IRX2: variants seen among roughly 807,000 people sequenced by gnomAD.
IRX2 encodes iroquois-class homeodomain protein IRX-2.
Under a neutral mutation model 42.9 loss-of-function variants are expected in IRX2, and 26 were observed. That is an observed-to-expected ratio of 0.61 (90% CI 0.44 to 0.84). The LOEUF (loss-of-function observed/expected upper bound fraction) is 0.84. Among genes scored for constraint, IRX2 ranks in the 40% least tolerant of loss-of-function variants. IRX2 has a pLI of 0.00. For missense variants in IRX2, 782 were observed against 713.9 expected, an observed-to-expected ratio of 1.10 and a Z score of -1.09; for synonymous variants, 424 against 353.9, an observed-to-expected ratio of 1.20 and a Z score of -2.22.
chr5:2,740,952 C>T (rs1435988533), downstream of IRX2, among the ~76,000 whole-genome samples: 1 of 152,242 alleles, frequency 6.6e-6, no homozygotes, highest in Non-Finnish European at 1.5e-5. Context: ...AGGATGCTGC[C>T]TTGACCCCAC....
At chr5:2,749,078 G>C (rs1389309488) in intron 2 of IRX2, 26 bp from the exon 3 acceptor site, 5 of 1,590,948 alleles carry the variant, frequency 3.1e-6, no homozygotes, top group Non-Finnish European at 4.2e-6. Context: ...CACGGTGGGT[G>C]GCACGAGGGG....
chr5:2,741,534 T>C (rs745586399), downstream of IRX2, among the ~76,000 whole-genome samples: 2 of 152,324 alleles, frequency 1.3e-5, no homozygotes, highest in Middle Eastern at 3.4e-3. Context: ...TCTTTGAATT[T>C]ATTACTCAAG....
At chr5:2,744,948 TC>T (rs776438867), downstream of IRX2, among the ~76,000 whole-genome samples, 101 of 152,322 alleles carry the variant, frequency 6.6e-4, no homozygotes, top group Non-Finnish European at 1.1e-3. Context: ...AAGATTACTT[TC>T]AAATACCCTT....
the IRX2 span, among the ~76,000 whole-genome samples, chr5:2,739,301 C>T: frequency 6.7e-6 from 1 of 149,370 alleles, no homozygotes; most frequent in East Asian, 2.0e-4. Context: ...CCGCGTACGT[C>T]GTTCTCAGTG....
chr5:2,748,464 G>A lies in IRX2; in HGVS notation c.1244C>T (p.Ala415Val). Residue 415 changes from alanine to valine, a missense_variant, in exon 3 of 4, where the codon GCG becomes GTG. Around this residue, in one of 3 missense-constraint regions of IRX2, gnomAD observed 520 missense variants for 437.8 expected, o/e 1.19. Transcript: ENST00000302057. ...GGTGTGCAGGGCCTCGCCGGGGGCC[G>A]CGGCCGCAGAGTTGTACCGCAGGAG... ...QGLLRYNSAA[A>V]APGEALHTAP... 2 of 1,571,394 alleles carry A rather than the reference G, an allele frequency of 1.3e-6. No homozygotes were observed. The highest frequency in any genetic ancestry group is 1.7e-6 in the Non-Finnish European group (2 of 1,162,316).
downstream of IRX2, among the ~76,000 whole-genome samples, chr5:2,744,637 G>A (rs1737617827): frequency 6.6e-6 from 1 of 152,146 alleles, no homozygotes; most frequent in African/African-American, 2.4e-5. Flanking sequence ...CTGCCAGAGT[G>A]GCAAAGCTTA....
chr5:2,738,565 G>T, the IRX2 span, among the ~76,000 whole-genome samples: 1 of 152,062 alleles, frequency 6.6e-6, no homozygotes, highest in Non-Finnish European at 1.5e-5. Context: ...GGCTCAGTGG[G>T]CTGTTCCCAG....
chr5:2,743,256 A>T (rs1026363093), downstream of IRX2, among the ~76,000 whole-genome samples: 1 of 151,732 alleles, frequency 6.6e-6, no homozygotes, highest in African/African-American at 2.4e-5. Flanking sequence ...CGCATCAGAC[A>T]AAGGTGGATG....
In IRX2 at chr5:2,751,417, G is replaced by T; in HGVS notation, c.-4C>A. 7.7e-7 allele frequency: 1 copy of T among 1,297,528 alleles called. No homozygotes were observed. The highest frequency in any genetic ancestry group is 9.8e-7 in the Non-Finnish European group (1 of 1,022,526). The allele number at this position is 1,297,528 out of a possible 1,614,324, so 80.4% of individuals were successfully genotyped here. A position where few individuals can be genotyped will look rare whatever the true frequency, so the allele number is the denominator to read the frequency against. On this transcript the variant is annotated 5_prime_UTR_variant, in exon 1 of 4. Transcript: ENST00000302057. The surrounding 1 kb of genome is among the most constrained non-coding windows in gnomAD (Gnocchi z 4.0). ...GGTAGCCCTGCGGGTAGGACATGGTGGGCGCGGGGCGCGGGGCCCGCGTCA... is the reference window on the plus strand; with the variant it reads ...GGTAGCCCTGCGGGTAGGACATGGTTGGCGCGGGGCGCGGGGCCCGCGTCA...
At chr5:2,737,546 C>A in the IRX2 span, among the ~76,000 whole-genome samples, 2 of 152,184 alleles carry the variant, frequency 1.3e-5, no homozygotes, top group African/African-American at 4.8e-5. Context: ...CTCAGATGAG[C>A]CCCACTAGCA....
In IRX2 at chr5:2,748,444, G is replaced by C; in HGVS notation, c.1264C>G (p.His422Asp). 6.4e-7 allele frequency: 1 copy of C among 1,563,852 alleles called. No homozygotes were observed. Among genetic ancestry groups the C allele is most frequent in the Non-Finnish European group, 8.6e-7 (1 of 1,159,754 alleles). Residue 422 changes from histidine (H) to aspartate (D), a missense_variant, in exon 3 of 4, where the codon CAC (histidine) becomes GAC (aspartate). By Grantham distance (81) the His-to-Asp change is moderately conservative. Around this residue, in one of 3 missense-constraint regions of IRX2, gnomAD observed 520 missense variants for 437.8 expected, o/e 1.19. Transcript: ENST00000302057. ...SAAAAPGEAL[H>D]TAPKAASDAG... Reference sequence around the variant, plus strand: ...TCGCTGGCCGCCTTTGGCGCGGTGTGCAGGGCCTCGCCGGGGGCCGCGGCC... The same window carrying C: ...TCGCTGGCCGCCTTTGGCGCGGTGTCCAGGGCCTCGCCGGGGGCCGCGGCC...
chr5:2,740,825 A>G, the IRX2 span, among the ~76,000 whole-genome samples: 1 of 152,160 alleles, frequency 6.6e-6, no homozygotes, highest in East Asian at 1.9e-4. Flanking sequence ...TGGGAAGGCG[A>G]CAGCGGCGAC....
At chr5:2,749,337 G>C (rs750128053) in intron 2 of IRX2, 45 bp downstream of exon 2, 2 of 1,544,986 alleles carry the variant, frequency 1.3e-6, no homozygotes, top group Admixed American at 4.1e-5. Context: ...GCCCCGCCTG[G>C]GAAGAAAGCG....
At chr5:2,741,121 C>G (rs1184552411), downstream of IRX2, among the ~76,000 whole-genome samples, 1 of 152,266 alleles carries the variant, frequency 6.6e-6, no homozygotes, top group Admixed American at 6.5e-5. Flanking sequence ...GACCGCAACG[C>G]CGCTATTAGT....
rs969982413 is a variant in IRX2 at position 2,748,742 on chromosome 5, G to C, written c.966C>G (p.Pro322=). ...QGSRTSPGAP[P]PASKPKLWSL... ...ACCACAGCTTGGGCTTGCTGGCGGG[G>C]GGCGGCGCGCCCGGAGACGTCCGGC... Residue 322 remains proline, a synonymous_variant, in exon 3 of 4, where the codon CCC becomes CCG. Coordinates refer to ENST00000302057, the MANE Select transcript of IRX2 (RefSeq NM_033267.5). The C allele has an allele frequency of 8.8e-6, 12 of 1,365,758 alleles. No individual in the cohort carries two copies. In the East Asian group the frequency reaches 1.3e-4, roughly 15 times the overall value. The allele number at this position is 1,365,758 out of a possible 1,614,324, so 84.6% of individuals were successfully genotyped here.
downstream of IRX2, among the ~76,000 whole-genome samples, chr5:2,741,977 T>C (rs1737555030): frequency 6.6e-6 from 1 of 152,254 alleles, no homozygotes; most frequent in Non-Finnish European, 1.5e-5. Context: ...CTTCATTGTA[T>C]TAGCAATACA....
At chr5:2,738,244 A>T in the IRX2 span, among the ~76,000 whole-genome samples, 1 of 151,900 alleles carries the variant, frequency 6.6e-6, no homozygotes, top group South Asian at 2.1e-4. Context: ...CTGGGCTTGG[A>T]CTCAGCCCCC....
intron 3 of IRX2, 57 bp from the exon 4 acceptor site, chr5:2,747,673 G>C: frequency 6.4e-7 from 1 of 1,556,442 alleles, no homozygotes; most frequent in South Asian, 1.1e-5. Context: ...TGGCTGCGCA[G>C]ACCACCGTGC....
chr5:2,738,459 C>A, the IRX2 span, among the ~76,000 whole-genome samples: 3 of 152,202 alleles, frequency 2.0e-5, no homozygotes, highest in Admixed American at 1.3e-4. Flanking sequence ...AATAAACTAA[C>A]GTCATCCTGG....
Sources: allele counts gnomAD v4.1 joint callset (sites outside exome capture counted in the v4.1 genomes callset), GRCh38; gene constraint gnomAD v4.1.1; regional missense constraint gnomAD v4.1.1; non-coding constraint Gnocchi (gnomAD v3.1); transcripts MANE v1.5; gene names NCBI Gene and HGNC (gene_info 2026-07-23, HGNC 2026-07-21).